Variants in ZNF75D observed in about 807,000 individuals in gnomAD.
The protein encoded by ZNF75D is zinc finger protein 75D.
A neutral mutation model predicts 33.3 loss-of-function variants in ZNF75D; 33 were observed. The observed-to-expected ratio is 0.99, with a 90% CI of 0.75 to 1.32. The LOEUF is 1.32. Ranked by LOEUF, ZNF75D falls within the 40% of genes most tolerant of loss-of-function variation. ZNF75D has a pLI of 0.00. For synonymous variants in ZNF75D, 113 were observed against 130.6 expected (o/e 0.87, Z 0.92); for missense variants, 338 against 367.5 (o/e 0.92, Z 0.66).
intron 1 of ZNF75D, among the ~76,000 whole-genome samples, chrX:135,260,971 TGTCTCACA>T (rs1556415411): frequency 8.9e-6 from 1 of 112,618 alleles, no homozygotes; most frequent in African/African-American, 3.2e-5. Context: ...GCTTTAAATG[TGTCTCACA>T]GATTCTGGTA....
intron 1 of ZNF75D, among the ~76,000 whole-genome samples, chrX:135,305,333 T>C (rs2084272251): frequency 8.9e-6 from 1 of 111,794 alleles, no homozygotes; most frequent in African/African-American, 3.3e-5. Context: ...TAAGTGTGCC[T>C]CAGGGTCTAT....
rs140155206 is a variant in ZNF75D, at chrX:135,287,338, T to G, written c.1332A>C (p.Thr444=). 1,247 of 1,210,802 alleles carry G rather than the reference T, an allele frequency of 1.0e-3. 6 individuals carry two copies. In the African/African-American group the frequency reaches 0.017, roughly 16 times the overall value. ...CATCACATTTAAAGGGCTTCTCTCC[T>G]GTGTGAATTCTTTGGTGTGTGTGTA... The part of the protein sequence containing the change: ...TNLHTHQRIH[T]GEKPFKCDEC... The change falls in exon 7 of 7, where the codon ACA becomes ACC. Residue 444 remains threonine, a synonymous_variant. Transcript: ENST00000370766.
intron 1 of ZNF75D, among the ~76,000 whole-genome samples, chrX:135,263,615 C>T (rs1053046204): frequency 7.1e-5 from 8 of 112,986 alleles, no homozygotes; most frequent in African/African-American, 2.2e-4. Context: ...GTGTGGGACC[C>T]GCCAAGCCAG....
chrX:135,332,608 C>T (rs955904488), intron 1 of ZNF75D, among the ~76,000 whole-genome samples: 2 of 111,691 alleles, frequency 1.8e-5, no homozygotes, highest in South Asian at 7.5e-4. Context: ...ATTATGTTAC[C>T]CAGTTTATGG....
rs1012574761 is a variant in ZNF75D at position 135,292,354 on chromosome X, C to T, written c.531G>A (p.Trp177Ter). 6.6e-6 allele frequency: 8 copies of T among 1,211,653 alleles called. No homozygotes were observed. In the South Asian group the frequency reaches 8.8e-5, roughly 13 times the overall value. ...GTTCTTGTAGTACCCGGTATGTATT[C>T]CAATATTCTTTCTGGAACACACCCA... ...QPMGVFQKEY[W>*]NTYRVLQEQL... Residue 177 changes from tryptophan to a stop codon, truncating the protein, a stop_gained, in exon 4 of 7, where the codon TGG becomes TGA. Transcript: ENST00000370766. LOFTEE classifies it high-confidence loss of function.
chrX:135,317,668 G>A (rs1433942246), intron 1 of ZNF75D, among the ~76,000 whole-genome samples: 2 of 110,753 alleles, frequency 1.8e-5, no homozygotes, highest in Non-Finnish European at 1.9e-5. Context: ...GAGGCAGCTG[G>A]GTGGGTAAGA....
At position 135,286,122 on chromosome X, in the gene ZNF75D, CTGG is replaced by C. The variant is rs1556419321; in HGVS notation, c.*1012_*1014del. 2 of 112,319 alleles carry C rather than the reference CTGG, an allele frequency of 1.8e-5. No homozygotes were observed. Among genetic ancestry groups the C allele is most frequent in the East Asian group, 5.6e-4 (2 of 3,587 alleles). The allele number at this position is 112,319 out of a possible 1,213,427, so 9.3% of individuals were successfully genotyped here. A position where few individuals can be genotyped will look rare whatever the true frequency, so the allele number is the denominator to read the frequency against. On this transcript the variant is annotated 3_prime_UTR_variant, in exon 7 of 7. Transcript: ENST00000370766. ...CTCTGACACTTCAGGATGTTCCCTC[CTGG>C]TATCAGCTGTGCACCAAAGCTAAAA...
At chrX:135,280,819 A>C (rs782228047), downstream of ZNF75D, among the ~76,000 whole-genome samples, 1 of 110,944 alleles carries the variant, frequency 9.0e-6, no homozygotes, top group African/African-American at 3.3e-5. Context: ...ATTGGCCCCC[A>C]CTCTCTTCTG....
At chrX:135,277,837 A>G in intron 1 of ZNF75D, among the ~76,000 whole-genome samples, 1 of 111,586 alleles carries the variant, frequency 9.0e-6, no homozygotes, top group Non-Finnish European at 1.9e-5. Flanking sequence ...GTTCTGTTAC[A>G]TTGGTCTATA....
chrX:135,263,850 G>A (rs782760539), intron 1 of ZNF75D, among the ~76,000 whole-genome samples: 1 of 112,507 alleles, frequency 8.9e-6, no homozygotes, highest in East Asian at 2.8e-4. Flanking sequence ...CCAGTGAGAT[G>A]AAACAGGTAC....
intron 1 of ZNF75D, among the ~76,000 whole-genome samples, chrX:135,258,715 A>G (rs781903239): frequency 4.5e-5 from 5 of 111,718 alleles, no homozygotes; most frequent in Middle Eastern, 4.6e-3. Flanking sequence ...AGATGAGTAG[A>G]TTGCAAAAAT....
rs57762254 is a variant in ZNF75D, at chrX:135,342,085, C to A, written c.-708G>T. 1 of 111,985 alleles carries A rather than the reference C, an allele frequency of 8.9e-6. No homozygotes were observed. The highest frequency in any genetic ancestry group is 3.3e-5 in the African/African-American group (1 of 30,704). The allele number at this position is 111,985 out of a possible 1,213,427, so 9.2% of individuals were successfully genotyped here. Reference sequence around the variant, plus strand: ...ACATCATAGTTTAGTTCACAGGGATCTTATCACCTTTCTCTTTCACAAGAC... The same window carrying A: ...ACATCATAGTTTAGTTCACAGGGATATTATCACCTTTCTCTTTCACAAGAC... On this transcript the variant is annotated 5_prime_UTR_variant, in exon 1 of 7. Coordinates refer to ENST00000370766, the MANE Select transcript of ZNF75D (RefSeq NM_007131.5).
chrX:135,258,422 G>C (rs1186461756), intron 1 of ZNF75D, among the ~76,000 whole-genome samples: 2 of 111,023 alleles, frequency 1.8e-5, no homozygotes, highest in East Asian at 2.8e-4. Context: ...ACGTGTAAAA[G>C]TGTTCCTATT....
At chrX:135,312,758 G>A (rs1195920797) in intron 1 of ZNF75D, among the ~76,000 whole-genome samples, 1 of 109,312 alleles carries the variant, frequency 9.1e-6, no homozygotes, top group Admixed American at 9.7e-5. Context: ...ATTTAGTGAT[G>A]TTGAGTACTT....
At chrX:135,272,098 G>A (rs2083885222) in intron 1 of ZNF75D, among the ~76,000 whole-genome samples, 1 of 109,174 alleles carries the variant, frequency 9.2e-6, no homozygotes, top group Admixed American at 1.0e-4. Flanking sequence ...CTGTACTTAT[G>A]GCATCTGCAT....
At chrX:135,337,534 T>C (rs1241302330) in intron 1 of ZNF75D, among the ~76,000 whole-genome samples, 3 of 112,062 alleles carry the variant, frequency 2.7e-5, no homozygotes, top group African/African-American at 9.8e-5. Context: ...GTTCTCTACA[T>C]ACCTACCCAT....
intron 1 of ZNF75D, among the ~76,000 whole-genome samples, chrX:135,335,776 C>T (rs892700871): frequency 5.4e-5 from 6 of 111,524 alleles, no homozygotes; most frequent in Non-Finnish European, 9.4e-5. Context: ...AATGATCCAC[C>T]GCAAGTAAAA....
intron 2 of ZNF75D, among the ~76,000 whole-genome samples, chrX:135,294,855 T>C (rs1215868026): frequency 9.0e-6 from 1 of 111,574 alleles, no homozygotes; most frequent in Non-Finnish European, 1.9e-5. Context: ...GCAAATGCCC[T>C]CCCGCTAAGC....
chrX:135,248,867 G>C (rs2083769807), downstream of ZNF75D: 1 of 274,214 alleles, frequency 3.6e-6, no homozygotes, highest in Non-Finnish European at 6.9e-6. Context: ...ACACAGAGAC[G>C]GGTCAGAAGT....
Sources: allele counts gnomAD v4.1 joint callset (sites outside exome capture counted in the v4.1 genomes callset), GRCh38; gene constraint gnomAD v4.1.1; transcripts MANE v1.5; gene names NCBI Gene and HGNC (gene_info 2026-07-23, HGNC 2026-07-21).